The following SHISA9 variants were observed in gnomAD, a reference collection of about 807,000 sequenced individuals.
SHISA9 encodes protein shisa-9.
A neutral mutation model predicts 38.0 loss-of-function variants in SHISA9; 13 were observed. The ratio of observed to expected loss-of-function variants is 0.34; its 90% CI spans 0.22 to 0.54. The LOEUF is 0.54. Ranked by LOEUF, SHISA9 falls within the 20% of genes least tolerant of loss-of-function variation. The pLI is 0.91. For missense variants in SHISA9, 538 were observed against 575.8 expected, an observed-to-expected ratio of 0.93 and a Z score of 0.67; for synonymous variants, 275 against 242.0, an observed-to-expected ratio of 1.14 and a Z score of -1.27.
chr16:13,169,310 G>C (rs1011651371), intron 2 of SHISA9, among the ~76,000 whole-genome samples: 1 of 152,162 alleles, frequency 6.6e-6, no homozygotes, highest in African/African-American at 2.4e-5. Flanking sequence ...CACCATTTGC[G>C]GTGGCAGAAG....
chr16:13,085,302 A>G (rs929673598), intron 2 of SHISA9, among the ~76,000 whole-genome samples: 2 of 152,166 alleles, frequency 1.3e-5, no homozygotes, highest in African/African-American at 2.4e-5. Flanking sequence ...AAAGATAAAT[A>G]ATTATTAAGG....
the SHISA9 span, among the ~76,000 whole-genome samples, chr16:13,255,833 C>T: frequency 6.6e-6 from 1 of 152,210 alleles, no homozygotes; most frequent in East Asian, 1.9e-4. Flanking sequence ...GAGATGATCA[C>T]TATCTTTCCT....
the SHISA9 span, among the ~76,000 whole-genome samples, chr16:13,448,764 CT>C: frequency 2.6e-5 from 4 of 152,226 alleles, no homozygotes; most frequent in Admixed American, 6.5e-5. Context: ...AGTTCAAGAG[CT>C]TTTCTAAACT....
At chr16:12,993,426 T>C (rs1279900776) in intron 2 of SHISA9, among the ~76,000 whole-genome samples, 1 of 152,204 alleles carries the variant, frequency 6.6e-6, no homozygotes, top group Admixed American at 6.5e-5. Context: ...GGCGTGACTT[T>C]AGGTGCATCA....
Position 13,202,017 on chromosome 16 carries a change from A to G in SHISA9, c.692-1377A>G, listed in dbSNP as rs1428647478. Among the ~76,000 whole-genome samples the G allele has an allele frequency of 4.4e-5, 5 of 113,260 alleles. 1 individual carries two copies. Among genetic ancestry groups the G allele is most frequent in the African/African-American group, 7.4e-5 (2 of 26,926 alleles). 74.3% of individuals were successfully genotyped at this position (113,260 alleles called of 152,430 possible). On this transcript the variant is annotated intron_variant, in intron 2 of 4. Transcript: ENST00000558583. ...AGAGGGAACCCATACTTTCCACCTC[A>G]AAGTGAGCCATCATTATCTCCCAGT...
chr16:13,425,800 T>A, the SHISA9 span, among the ~76,000 whole-genome samples: 1 of 152,174 alleles, frequency 6.6e-6, no homozygotes, highest in Non-Finnish European at 1.5e-5. Context: ...AAAAACTCAT[T>A]TGAGAGTCGT....
the SHISA9 span, among the ~76,000 whole-genome samples, chr16:13,329,589 G>T: frequency 6.6e-6 from 1 of 152,158 alleles, no homozygotes; most frequent in Non-Finnish European, 1.5e-5. Flanking sequence ...ATAAGCTGAG[G>T]TGATGTAAAA....
chr16:13,383,906 C>A, the SHISA9 span, among the ~76,000 whole-genome samples: 4 of 152,070 alleles, frequency 2.6e-5, no homozygotes, highest in African/African-American at 9.7e-5. Flanking sequence ...CCACCTGCCT[C>A]GGCCTCCCAA....
At chr16:13,145,332 C>T (rs1461821128) in intron 2 of SHISA9, among the ~76,000 whole-genome samples, 3 of 152,150 alleles carry the variant, frequency 2.0e-5, no homozygotes, top group Non-Finnish European at 4.4e-5. Context: ...CAAGATCAGC[C>T]TGGTCAACAT....
intron 2 of SHISA9, among the ~76,000 whole-genome samples, chr16:13,045,553 A>G (rs1232012365): frequency 6.0e-5 from 9 of 150,762 alleles, no homozygotes; most frequent in African/African-American, 4.9e-5. Flanking sequence ...TGGAGTTACA[A>G]TGGTACACGG....
chr16:12,968,006 ATGG>A (rs1319439028), intron 2 of SHISA9, among the ~76,000 whole-genome samples: 1 of 152,018 alleles, frequency 6.6e-6, no homozygotes, highest in Non-Finnish European at 1.5e-5. Context: ...CCTGGCCAAC[ATGG>A]TGAAACCTCA....
chr16:13,196,083 C>G (rs71398889), intron 2 of SHISA9, among the ~76,000 whole-genome samples: 204 of 47,656 alleles, frequency 4.3e-3, no homozygotes, highest in East Asian at 0.01. Flanking sequence ...GCAAGACTCT[C>G]TCTCAAAAAA....
the SHISA9 span, among the ~76,000 whole-genome samples, chr16:13,547,856 A>G: frequency 0.014 from 1,851 of 129,184 alleles, 48 homozygotes; most frequent in African/African-American, 0.046. Context: ...TCACAGAAAT[A>G]GAAAAAAAAC....
intron 2 of SHISA9, among the ~76,000 whole-genome samples, chr16:13,148,691 A>ACG (rs1373335102): frequency 1.7e-5 from 2 of 115,112 alleles, no homozygotes; most frequent in African/African-American, 4.8e-5. Flanking sequence ...ATACACAAGC[A>ACG]CACACACACA....
chr16:12,967,651 A>G (rs1197947141), intron 2 of SHISA9, among the ~76,000 whole-genome samples: 1 of 151,828 alleles, frequency 6.6e-6, no homozygotes, highest in African/African-American at 2.4e-5. Flanking sequence ...GATTTTGTTA[A>G]TAAACAGTGC....
intron 2 of SHISA9, among the ~76,000 whole-genome samples, chr16:12,944,821 C>T (rs534865466): frequency 6.6e-6 from 1 of 152,060 alleles, no homozygotes; most frequent in African/African-American, 2.4e-5. Flanking sequence ...TTCCTACAAG[C>T]AGATGCTGAG....
the SHISA9 span, among the ~76,000 whole-genome samples, chr16:13,377,675 A>G: frequency 6.6e-6 from 1 of 152,238 alleles, no homozygotes; most frequent in Non-Finnish European, 1.5e-5. Flanking sequence ...TACTCAGTAT[A>G]TAGCTCAATA....
the SHISA9 span, among the ~76,000 whole-genome samples, chr16:13,285,518 A>G: frequency 4.7e-4 from 57 of 120,838 alleles, no homozygotes; most frequent in Non-Finnish European, 6.7e-4. Context: ...GCCGAGTGAG[A>G]TTTACTTTAA....
rs528532566 is a variant in SHISA9 at position 13,012,185 on chromosome 16, T to C, written c.691+95370T>C. ...TAAGTGAGATCACACAATATTTGTC[T>C]TTCTGTGTCTGGCTTATTTCCCTTA... On this transcript the variant is annotated intron_variant, in intron 2 of 4. Transcript: ENST00000558583. 1.2e-4 allele frequency among the ~76,000 whole-genome samples: 18 copies of C among 152,312 alleles called. No individual in the cohort carries two copies. In the South Asian group the frequency reaches 1.7e-3, roughly 14 times the overall value.
Sources: allele counts gnomAD v4.1 joint callset (sites outside exome capture counted in the v4.1 genomes callset), GRCh38; gene constraint gnomAD v4.1.1; transcripts MANE v1.5; gene names NCBI Gene and HGNC (gene_info 2026-07-23, HGNC 2026-07-21).